CARD10: variants seen among roughly 807,000 people sequenced by gnomAD.
CARD10 encodes caspase recruitment domain family member 10.
Under a neutral mutation model 114.6 loss-of-function variants are expected in CARD10, and 49 were observed. That is an observed-to-expected ratio of 0.43 (90% CI 0.34 to 0.54). The LOEUF is 0.54. Among genes scored for constraint, CARD10 ranks in the 20% least tolerant of loss-of-function variants. The pLI, the probability that CARD10 is intolerant of heterozygous loss-of-function variation, is 0.03. For synonymous variants in CARD10, 602 were observed against 593.2 expected (o/e 1.01, Z -0.21); for missense variants, 1,206 against 1,397.2 (o/e 0.86, Z 2.18).
At position 37,519,193 on chromosome 22, in the gene CARD10, C is replaced by T. The variant is rs1168618535; in HGVS notation, c.8G>A (p.Gly3Asp). ...CTCGGCCTCCCCCGCCTCCGCCCGG[C>T]CCGGCATGGCCGTGTCCTCAGGGTC... MPGRAEAGEAEEE... is the reference protein window; with the variant it reads MPDRAEAGEAEEE... Residue 3 changes from glycine to aspartate, a missense_variant, in exon 1 of 20, where the codon GGC becomes GAC. Around this residue, in one of 2 missense-constraint regions of CARD10, gnomAD observed 138 missense variants for 218.0 expected, o/e 0.63. Transcript: ENST00000251973. The surrounding 1 kb of genome is among the most constrained non-coding windows in gnomAD (Gnocchi z 4.1). The T allele has an allele frequency of 3.9e-6, 6 of 1,527,622 alleles. No individual in the cohort carries two copies. Among genetic ancestry groups the T allele is most frequent in the Non-Finnish European group, 4.4e-6 (5 of 1,142,774 alleles). The allele number at this position is 1,527,622 out of a possible 1,614,324, so 94.6% of individuals were successfully genotyped here. A position where few individuals can be genotyped will look rare whatever the true frequency, so the allele number is the denominator to read the frequency against.
At chr22:37,494,266 G>T in intron 15 of CARD10, 78 bp from the exon 16 acceptor site, 1 of 949,936 alleles carries the variant, frequency 1.1e-6, no homozygotes, top group Non-Finnish European at 1.6e-6. Flanking sequence ...CGGGACCCCT[G>T]GCACAGCGGG....
In CARD10 at chr22:37,510,302, C is replaced by T. The variant is rs1204951575; in HGVS notation, c.819G>A (p.Glu273=). 1.1e-6 allele frequency: 1 copy of T among 916,152 alleles called. No homozygotes were observed. The allele number at this position is 916,152 out of a possible 1,614,324, so 56.8% of individuals were successfully genotyped here. Residue 273 remains glutamate (E), a synonymous_variant, in exon 4 of 20, where the codon GAG becomes GAA. Coordinates refer to ENST00000251973, the MANE Select transcript of CARD10 (RefSeq NM_014550.4). ...EKEKEKEKEK[E]PDNVDLVSEL... ...CAGAGACAAGGTCCACATTGTCTGGCTCCTTCTCCTTCTCCTTCTCCTTCT... is the reference window on the plus strand; with the variant it reads ...CAGAGACAAGGTCCACATTGTCTGGTTCCTTCTCCTTCTCCTTCTCCTTCT...
At chr22:37,508,388 C>T (rs1224190437) in intron 5 of CARD10, 139 bp downstream of exon 5, 3 of 1,026,206 alleles carry the variant, frequency 2.9e-6, no homozygotes, top group African/African-American at 3.2e-5. Context: ...AGAAGGGTGC[C>T]TCCGTCAACA....
intron 3 of CARD10, among the ~76,000 whole-genome samples, chr22:37,515,371 G>A (rs12169054): frequency 0.16 from 23,576 of 151,710 alleles, 2,421 homozygotes; most frequent in African/African-American, 0.29. Flanking sequence ...GAGACCAGCC[G>A]GGTCAACATG....
At chr22:37,512,670 A>G (rs535108094) in intron 3 of CARD10, among the ~76,000 whole-genome samples, 1 of 152,218 alleles carries the variant, frequency 6.6e-6, no homozygotes, top group African/African-American at 2.4e-5. Flanking sequence ...AGCTCGTTAC[A>G]AGGACAACTG....
chr22:37,494,572 A>G (rs1922926255), intron 15 of CARD10: 2 of 236,410 alleles, frequency 8.5e-6, no homozygotes, highest in Non-Finnish European at 1.7e-5. Context: ...TGACCTTGGT[A>G]GAAAAATTAA....
chr22:37,511,081 C>CAAA (rs869295765), intron 3 of CARD10, among the ~76,000 whole-genome samples: 2 of 92,058 alleles, frequency 2.2e-5, no homozygotes, highest in Non-Finnish European at 2.3e-5. Context: ...GACTCTGTCT[C>CAAA]AAAAAAAAAA....
chr22:37,518,107 C>T lies in CARD10; in HGVS notation c.237G>A (p.Gly79=). 1 of 1,613,620 alleles carries T rather than the reference C, an allele frequency of 6.2e-7. No individual in the cohort carries two copies. Among genetic ancestry groups the T allele is most frequent in the Non-Finnish European group, 8.5e-7 (1 of 1,179,810 alleles). Residue 79 remains glycine (G), a splice_region_variant and synonymous_variant, in exon 2 of 20, where the codon GGG becomes GGA. Transcript: ENST00000251973. ...GGCAGCGCAAGATGTCCATCAGGCGCCCTACAGAGTAGTGGGGGGATGTAC... is the reference window on the plus strand; with the variant it reads ...GGCAGCGCAAGATGTCCATCAGGCGTCCTACAGAGTAGTGGGGGGATGTAC... ...YRFPCRVNRT[G]RLMDILRCRG...
intron 15 of CARD10, 75 bp downstream of exon 15, chr22:37,495,442 G>T (rs2145753857): frequency 8.1e-7 from 1 of 1,229,130 alleles, no homozygotes; most frequent in East Asian, 2.5e-5. Context: ...GGTTGCCAGA[G>T]AACAGAGCCT....
At chr22:37,498,514 C>A (rs1923089861) in intron 11 of CARD10, among the ~76,000 whole-genome samples, 2 of 152,192 alleles carry the variant, frequency 1.3e-5, no homozygotes, top group African/African-American at 2.4e-5. Flanking sequence ...GCAGCTGCAG[C>A]CCAGACACAG....
At chr22:37,503,964 T>G in intron 9 of CARD10, 1 of 697,906 alleles carries the variant, frequency 1.4e-6, no homozygotes, top group Non-Finnish European at 2.7e-6. Flanking sequence ...GATGCTTGGC[T>G]AGGACTGAGT....
chr22:37,508,019 G>C, intron 5 of CARD10, 65 bp from the exon 6 acceptor site: 6 of 1,595,836 alleles, frequency 3.8e-6, no homozygotes, highest in Non-Finnish European at 5.1e-6. Flanking sequence ...TAACCAGCAG[G>C]TGCCCAGGAG....
Position 37,506,283 on chromosome 22 carries a change from T to A in CARD10, c.1292A>T (p.Asp431Val), listed in dbSNP as rs778727071. ...GCTGGTGAGCGTTGTCAGCAGCTCA[T>A]CCCGCTCCGCCTCCAGGCCCCGCAC... is the stretch of plus-strand genomic sequence containing the variant. ...KQVRGLEAER[D>V]ELLTTLTSLE... The change falls in exon 7 of 20, where the codon GAT (aspartate) becomes GTT (valine). Residue 431 changes from aspartate to valine, a missense_variant. Asp to Val is a radical substitution (Grantham distance 152). Around this residue, in one of 2 missense-constraint regions of CARD10, gnomAD observed 1,068 missense variants for 1,179.1 expected, o/e 0.91. Transcript: ENST00000251973. The A allele has an allele frequency of 6.2e-7, 1 of 1,609,996 alleles. No homozygotes were observed. The highest frequency in any genetic ancestry group is 1.1e-5 in the South Asian group (1 of 89,802).
Position 37,496,995 on chromosome 22 carries a change from C to T in CARD10, c.1947+24G>A. On this transcript the variant is annotated intron_variant, in intron 12 of 19. Transcript: ENST00000251973. This position sits in a 1 kb window ranked among gnomAD's most constrained non-coding sequence, Gnocchi z 4.1. The stretch of plus-strand genomic sequence containing the variant: ...GGGCAAAAGCACTGACCCTACCCCC[C>T]CAGCTCAGGAGGCAGGGCCTCACCT... The T allele has an allele frequency of 6.3e-7, 1 of 1,582,614 alleles. No individual in the cohort carries two copies. The highest frequency in any genetic ancestry group is 8.6e-7 in the Non-Finnish European group (1 of 1,165,862).
intron 5 of CARD10, among the ~76,000 whole-genome samples, 196 bp from the exon 6 acceptor site, chr22:37,508,150 G>A (rs929370199): frequency 3.3e-5 from 5 of 152,106 alleles, no homozygotes; most frequent in Admixed American, 1.3e-4. Context: ...TCTGTAAAAC[G>A]AGAAGAATGA....
chr22:37,495,574 G>A lies in CARD10; in HGVS notation c.2316C>T (p.Leu772=), dbSNP rs776496403. The stretch of plus-strand genomic sequence containing the variant: ...GCAGGCATTTCTCCTGAACTTCTAG[G>A]AGCTGCTGGGCTCTGTGGGAGGGAG... ...TVPNYQRAQQ[L]LEVQEKCLPS... Residue 772 remains leucine (L), a synonymous_variant, in exon 15 of 20, where the codon CTC becomes CTT. Transcript: ENST00000251973. 18 of 1,613,516 alleles carry A rather than the reference G, an allele frequency of 1.1e-5. No homozygotes were observed. The South Asian group carries it at 1.9e-4, about 17-fold the overall frequency.
intron 11 of CARD10, among the ~76,000 whole-genome samples, chr22:37,498,047 G>C: frequency 6.6e-6 from 1 of 152,148 alleles, no homozygotes; most frequent in East Asian, 1.9e-4. Context: ...CAGAGTTCCA[G>C]GCTGAAGGAA....
intron 3 of CARD10, among the ~76,000 whole-genome samples, chr22:37,513,135 G>C (rs940037860): frequency 1.2e-4 from 18 of 152,072 alleles, no homozygotes; most frequent in Non-Finnish European, 1.5e-5. Flanking sequence ...TTTTGAGACA[G>C]AGTCTCGCTG....
In CARD10 at chr22:37,491,738, C is replaced by T; in HGVS notation, c.2864+17G>A. The T allele has an allele frequency of 4.3e-6, 5 of 1,173,138 alleles. No individual in the cohort carries two copies. The highest frequency in any genetic ancestry group is 6.3e-6 in the Non-Finnish European group (5 of 793,546). 72.7% of individuals were successfully genotyped at this position (1,173,138 alleles called of 1,614,324 possible). A position where few individuals can be genotyped will look rare whatever the true frequency, so the allele number is the denominator to read the frequency against. ...AGGTCCGAGTGCCCTGCCCACTGCC[C>T]CACCCACCCACCTCACCTGACTTCC... is the stretch of plus-strand genomic sequence containing the variant. On this transcript the variant is annotated intron_variant, in intron 19 of 19. Coordinates refer to ENST00000251973, the MANE Select transcript of CARD10 (RefSeq NM_014550.4).
Sources: allele counts gnomAD v4.1 joint callset (sites outside exome capture counted in the v4.1 genomes callset), GRCh38; gene constraint gnomAD v4.1.1; regional missense constraint gnomAD v4.1.1; non-coding constraint Gnocchi (gnomAD v3.1); transcripts MANE v1.5; gene names NCBI Gene and HGNC (gene_info 2026-07-23, HGNC 2026-07-21).